ADAM18: variants seen among roughly 807,000 people sequenced by gnomAD.
ADAM18 encodes the protein disintegrin and metalloproteinase domain-containing protein 18.
ADAM18 carries 117 observed loss-of-function variants against 94.4 expected under a neutral mutation model. That is an observed-to-expected ratio of 1.24 (90% CI 1.07 to 1.45). The LOEUF is 1.45. ADAM18 is among the 40% of genes most tolerant of loss of function. The probability of loss-of-function intolerance (pLI) is 0.00; values close to 1 mark genes in which losing one functional copy is unlikely to be tolerated. For synonymous variants in ADAM18, 327 were observed against 291.6 expected, an observed-to-expected ratio of 1.12 and a Z score of -1.24; for missense variants, 936 against 880.0, an observed-to-expected ratio of 1.06 and a Z score of -0.81.
chr8:39,634,568 C>T (rs73605973), intron 7 of ADAM18, among the ~76,000 whole-genome samples: 1,830 of 152,302 alleles, frequency 0.012, 38 homozygotes, highest in African/African-American at 0.042. Flanking sequence ...GGATCACTTG[C>T]AGGCCTTAAG....
intron 17 of ADAM18, among the ~76,000 whole-genome samples, chr8:39,702,784 A>C (rs1227186976): frequency 6.6e-6 from 1 of 152,152 alleles, no homozygotes; most frequent in East Asian, 1.9e-4. Flanking sequence ...GTTGAAGATT[A>C]GATAGTTGTC....
intron 6 of ADAM18, among the ~76,000 whole-genome samples, chr8:39,622,840 T>C (rs1254815630): frequency 6.6e-6 from 1 of 152,152 alleles, no homozygotes; most frequent in East Asian, 1.9e-4. Context: ...TCTAAGACTT[T>C]CTAGTTTTCC....
chr8:39,651,471 A>G (rs1174863809), intron 12 of ADAM18, among the ~76,000 whole-genome samples: 1 of 152,222 alleles, frequency 6.6e-6, no homozygotes, highest in African/African-American at 2.4e-5. Context: ...GGCCTTCCGC[A>G]GTGTATTGTG....
At chr8:39,627,439 T>A (rs1819802207) in intron 6 of ADAM18, among the ~76,000 whole-genome samples, 1 of 149,158 alleles carries the variant, frequency 6.7e-6, no homozygotes, top group African/African-American at 2.6e-5. Context: ...ATTATTACCA[T>A]ATTTAGGTGG....
At position 39,715,335 on chromosome 8, in the gene ADAM18, G is replaced by T. The variant is rs541101199; in HGVS notation, c.2018-8413G>T. ...AGACCCATCAAATGCAAAACTTACA[G>T]AAAAATGCACAGCATGGAATGCGTA... On this transcript the variant is annotated intron_variant, in intron 18 of 19. Transcript: ENST00000265707. Among the ~76,000 whole-genome samples the T allele has an allele frequency of 5.3e-5, 8 of 151,928 alleles. No individual in the cohort carries two copies. The East Asian group carries it at 1.5e-3, about 29-fold the overall frequency.
At chr8:39,617,349 C>T (rs773264960) in intron 6 of ADAM18, among the ~76,000 whole-genome samples, 6 of 152,204 alleles carry the variant, frequency 3.9e-5, no homozygotes, top group East Asian at 1.9e-4. Context: ...GTTACAGATA[C>T]TCACGAGGCT....
At chr8:39,689,428 C>T (rs541986559) in intron 16 of ADAM18, among the ~76,000 whole-genome samples, 16 of 152,240 alleles carry the variant, frequency 1.1e-4, no homozygotes, top group East Asian at 5.8e-4. Flanking sequence ...CCATTTATCC[C>T]GGCATCATTT....
At chr8:39,645,553 A>T (rs1253997541) in intron 11 of ADAM18, 79 bp downstream of exon 11, 7 of 1,384,522 alleles carry the variant, frequency 5.1e-6, no homozygotes, top group Non-Finnish European at 4.9e-6. Flanking sequence ...TTAAACTTTT[A>T]TATTCGGCAC....
intron 12 of ADAM18, among the ~76,000 whole-genome samples, chr8:39,660,364 A>T (rs962946452): frequency 4.6e-5 from 7 of 152,196 alleles, no homozygotes; most frequent in Non-Finnish European, 1.0e-4. Context: ...GCCTAGCTTT[A>T]GCTTTAAGGA....
chr8:39,626,719 T>C (rs368177563), intron 6 of ADAM18, among the ~76,000 whole-genome samples: 60 of 152,108 alleles, frequency 3.9e-4, no homozygotes, highest in African/African-American at 1.3e-3. Flanking sequence ...GTTTTGAGGG[T>C]TCCTTTTGGA....
rs969280915 is a variant in ADAM18 at position 39,607,993 on chromosome 8, T to C, written c.189-1049T>C. Among the ~76,000 whole-genome samples, 7 of 152,234 alleles carry C rather than the reference T, an allele frequency of 4.6e-5. No individual in the cohort carries two copies. The South Asian group carries it at 1.5e-3, about 32-fold the overall frequency. ...AACCAAGTATTTACTAGAATCCTCA[T>C]AGGTAACATGTCCAAATGGAATTCT... is the stretch of plus-strand genomic sequence containing the variant. On this transcript the variant is annotated intron_variant, in intron 3 of 19. Coordinates refer to ENST00000265707, the MANE Select transcript of ADAM18 (RefSeq NM_014237.3).
chr8:39,724,888 A>C (rs910816132), intron 19 of ADAM18, among the ~76,000 whole-genome samples: 1 of 151,932 alleles, frequency 6.6e-6, no homozygotes, highest in Non-Finnish European at 1.5e-5. Flanking sequence ...GTTAATTTTC[A>C]ACTTAGTTGA....
intron 6 of ADAM18, among the ~76,000 whole-genome samples, chr8:39,614,911 C>T (rs1819393325): frequency 6.6e-6 from 1 of 152,138 alleles, no homozygotes; most frequent in Non-Finnish European, 1.5e-5. Flanking sequence ...ATTTAACTAT[C>T]CTAAACAGAT....
At chr8:39,673,046 G>A (rs1055259436) in intron 14 of ADAM18, among the ~76,000 whole-genome samples, 2 of 152,168 alleles carry the variant, frequency 1.3e-5, no homozygotes. Flanking sequence ...TGTGTTTGAT[G>A]TCTGTAACCG....
intron 16 of ADAM18, among the ~76,000 whole-genome samples, chr8:39,690,547 G>A (rs1821744309): frequency 6.6e-6 from 1 of 152,002 alleles, no homozygotes; most frequent in African/African-American, 2.4e-5. Context: ...TATACATAAT[G>A]TAAATTTACA....
At chr8:39,605,583 A>G (rs1020471067) in intron 2 of ADAM18, 1 of 159,610 alleles carries the variant, frequency 6.3e-6, no homozygotes, top group African/African-American at 2.4e-5. Flanking sequence ...GCCTGCAGCC[A>G]TGTCTAATTT....
chr8:39,651,607 GT>G (rs35578320), intron 12 of ADAM18, among the ~76,000 whole-genome samples: 111,008 of 152,012 alleles, frequency 0.73, 41,335 homozygotes, highest in Middle Eastern at 0.79. Flanking sequence ...GACAGCACAT[GT>G]TTTCAGGGAG....
In ADAM18 at chr8:39,675,852, G is replaced by A. The variant is rs184461579; in HGVS notation, c.1526-1579G>A. ...GTTGACATTGATGCTATTTCTTTCTGTTTGTTAGTTTTCCTTCTAATGGTC... is the reference window on the plus strand; with the variant it reads ...GTTGACATTGATGCTATTTCTTTCTATTTGTTAGTTTTCCTTCTAATGGTC... On this transcript the variant is annotated intron_variant, in intron 14 of 19. Coordinates refer to ENST00000265707, the MANE Select transcript of ADAM18 (RefSeq NM_014237.3). 7.3e-4 allele frequency among the ~76,000 whole-genome samples: 111 copies of A among 152,312 alleles called. 1 individual carries two copies. The highest frequency in any genetic ancestry group is 2.6e-3 in the African/African-American group (107 of 41,564).
chr8:39,592,907 C>G (rs1353529088), intron 2 of ADAM18, among the ~76,000 whole-genome samples: 1 of 152,108 alleles, frequency 6.6e-6, no homozygotes, highest in Non-Finnish European at 1.5e-5. Context: ...ATGGTGTATT[C>G]TTCCAGTAGA....
Sources: allele counts gnomAD v4.1 joint callset (sites outside exome capture counted in the v4.1 genomes callset), GRCh38; gene constraint gnomAD v4.1.1; transcripts MANE v1.5; gene names NCBI Gene and HGNC (gene_info 2026-07-23, HGNC 2026-07-21).